PLXNA4: variants seen among roughly 807,000 people sequenced by gnomAD.
PLXNA4 encodes plexin-A4.
A neutral mutation model predicts 191.8 loss-of-function variants in PLXNA4; 44 were observed. That is an observed-to-expected ratio of 0.23 (90% confidence interval 0.18 to 0.29). The LOEUF is 0.29. PLXNA4 is among the 10% of genes least tolerant of loss of function. PLXNA4 has a pLI of 1.00. For synonymous variants in PLXNA4, 1,082 were observed against 1,009.5 expected, an observed-to-expected ratio of 1.07 and a Z score of -1.36; for missense variants, 1,800 against 2,488.8, an observed-to-expected ratio of 0.72 and a Z score of 5.89.
intron 2 of PLXNA4, among the ~76,000 whole-genome samples, chr7:132,498,178 A>G (rs1042637611): frequency 6.6e-6 from 1 of 152,216 alleles, no homozygotes; most frequent in Non-Finnish European, 1.5e-5. Flanking sequence ...TTATTATAGT[A>G]TACTGTCATA....
chr7:132,452,258 A>G (rs1361765744), intron 3 of PLXNA4, among the ~76,000 whole-genome samples: 2 of 152,204 alleles, frequency 1.3e-5, no homozygotes, highest in Non-Finnish European at 2.9e-5. Context: ...ATAGAAAGAG[A>G]AATCGTTCCA....
At chr7:132,180,458 G>A in intron 19 of PLXNA4, 128 bp downstream of exon 19, 4 of 1,396,036 alleles carry the variant, frequency 2.9e-6, no homozygotes, top group African/African-American at 1.4e-5. Flanking sequence ...AAGAACTTGG[G>A]GTGTGGGGTA....
intron 3 of PLXNA4, among the ~76,000 whole-genome samples, chr7:132,358,909 T>C (rs1803817872): frequency 6.6e-6 from 1 of 152,136 alleles, no homozygotes; most frequent in Non-Finnish European, 1.5e-5. Context: ...GTCAGGGTCT[T>C]GCAGGCTACA....
chr7:132,473,786 G>A (rs879797307), intron 3 of PLXNA4, among the ~76,000 whole-genome samples: 6 of 151,808 alleles, frequency 4.0e-5, no homozygotes, highest in Non-Finnish European at 7.4e-5. Flanking sequence ...TCCATACTGG[G>A]AAGTGCCATG....
intron 3 of PLXNA4, among the ~76,000 whole-genome samples, chr7:132,462,558 A>G (rs73158841): frequency 0.062 from 9,469 of 152,132 alleles, 557 homozygotes; most frequent in East Asian, 0.27. Context: ...GTTCATAGAG[A>G]AAAAGGCATA....
intron 3 of PLXNA4, among the ~76,000 whole-genome samples, chr7:132,365,360 T>TGCGCGCGCGCGC (rs58311131): frequency 7.8e-6 from 1 of 128,742 alleles, no homozygotes; most frequent in South Asian, 2.4e-4. Flanking sequence ...TGTGTGTGTG[T>TGCGCGCGCGCGC]GCGTGCGCGC....
intron 2 of PLXNA4, among the ~76,000 whole-genome samples, chr7:132,603,313 G>A (rs1802856685): frequency 6.6e-6 from 1 of 151,938 alleles, no homozygotes; most frequent in South Asian, 2.1e-4. Context: ...GGGAAGAGAG[G>A]AGCCGAGCTG....
upstream of PLXNA4, among the ~76,000 whole-genome samples, chr7:132,581,884 CAACAAACA>C (rs558874117): frequency 3.3e-5 from 5 of 152,154 alleles, no homozygotes; most frequent in African/African-American, 7.2e-5. Flanking sequence ...CTAACAAAAA[CAACAAACA>C]AACAAACAAA....
chr7:132,434,485 T>G (rs1795393807), intron 3 of PLXNA4, among the ~76,000 whole-genome samples: 2 of 152,238 alleles, frequency 1.3e-5, no homozygotes, highest in Admixed American at 1.3e-4. Context: ...TCAGATTCCC[T>G]CAAGACACAA....
intron 1 of PLXNA4, among the ~76,000 whole-genome samples, chr7:132,533,683 T>C (rs370076308): frequency 1.1e-4 from 16 of 152,340 alleles, no homozygotes; most frequent in African/African-American, 3.6e-4. Flanking sequence ...AAGCCGGGCT[T>C]CTTGAGCACA....
intron 1 of PLXNA4, among the ~76,000 whole-genome samples, chr7:132,563,200 TTCC>T (rs1281793858): frequency 0.047 from 1,079 of 22,910 alleles, 63 homozygotes; most frequent in African/African-American, 0.13. Context: ...CCTCCTCCTC[TTCC>T]TCCTCCTCCT....
At chr7:132,469,223 G>A (rs1228949251) in intron 3 of PLXNA4, among the ~76,000 whole-genome samples, 3 of 152,096 alleles carry the variant, frequency 2.0e-5, no homozygotes, top group Non-Finnish European at 4.4e-5. Flanking sequence ...TAATACAAGG[G>A]CATGGGTTTT....
intron 3 of PLXNA4, among the ~76,000 whole-genome samples, chr7:132,322,996 G>A (rs1456724888): frequency 1.3e-5 from 2 of 152,150 alleles, no homozygotes; most frequent in African/African-American, 4.8e-5. Flanking sequence ...GGTTGGGGAG[G>A]GGTGGTGCAC....
Position 132,395,670 on chromosome 7 carries a change from G to A in PLXNA4, c.1371+93622C>T, listed in dbSNP as rs2077050. On this transcript the variant is annotated intron_variant, in intron 3 of 31. Transcript: ENST00000321063. ...TGATAGGCAAACAGCCTGGAAGCTG[G>A]GAGCCTCAATTAGCCTCTTGGAGAG... 8.5e-3 allele frequency among the ~76,000 whole-genome samples: 1,293 copies of A among 152,320 alleles called. 24 individuals are homozygous for A. Among genetic ancestry groups the A allele is most frequent in the African/African-American group, 0.029 (1,202 of 41,568 alleles).
intron 3 of PLXNA4, among the ~76,000 whole-genome samples, chr7:132,365,354 T>TGTGC (rs1554424538): frequency 7.9e-6 from 1 of 125,864 alleles, no homozygotes; most frequent in African/African-American, 3.8e-5. Flanking sequence ...TGTGTGTGTG[T>TGTGC]GTGTGTGCGT....
intron 24 of PLXNA4, among the ~76,000 whole-genome samples, chr7:132,160,809 C>G (rs565738393): frequency 6.6e-5 from 10 of 152,326 alleles, no homozygotes; most frequent in African/African-American, 2.4e-4. Flanking sequence ...CACTCCACCC[C>G]CTTCTTGCTG....
chr7:132,218,611 T>G (rs1189295055), intron 9 of PLXNA4, among the ~76,000 whole-genome samples: 2 of 152,204 alleles, frequency 1.3e-5, no homozygotes, highest in Non-Finnish European at 2.9e-5. Flanking sequence ...TAAGTGTGAA[T>G]GCCTGATGGG....
At chr7:132,293,244 T>C (rs1330943394) in intron 4 of PLXNA4, among the ~76,000 whole-genome samples, 1 of 152,048 alleles carries the variant, frequency 6.6e-6, no homozygotes, top group Middle Eastern at 3.2e-3. Context: ...TATTAGCTTG[T>C]TTTCATGCTG....
chr7:132,287,799 C>T (rs994558778), intron 4 of PLXNA4, among the ~76,000 whole-genome samples: 4 of 152,162 alleles, frequency 2.6e-5, no homozygotes, highest in Non-Finnish European at 4.4e-5. Flanking sequence ...CCATGTACCC[C>T]GGGATGCCCT....
Sources: gnomAD v4.1 joint callset for allele counts (sites outside exome capture counted in the v4.1 genomes callset) on GRCh38, gnomAD v4.1.1 for gene constraint, MANE v1.5 for transcripts, NCBI Gene and HGNC (gene_info 2026-07-23, HGNC 2026-07-21) for gene names.